The following GABBR2 variants were observed in gnomAD, a reference collection of about 807,000 sequenced individuals.
GABBR2 encodes gamma-aminobutyric acid type B receptor subunit 2.
Under a neutral mutation model 105.6 loss-of-function variants are expected in GABBR2, and 23 were observed. The observed-to-expected ratio is 0.22, with a 90% CI of 0.16 to 0.31. The LOEUF is 0.31. Ranked by LOEUF, GABBR2 falls within the 10% of genes least tolerant of loss-of-function variation. The pLI, the probability that GABBR2 is intolerant of heterozygous loss-of-function variation, is 1.00. For synonymous variants in GABBR2, 478 were observed against 499.7 expected (o/e 0.96, Z 0.58); for missense variants, 734 against 1,245.5 (o/e 0.59, Z 6.18).
chr9:98,599,655 A>G (rs2131803301), intron 1 of GABBR2, among the ~76,000 whole-genome samples: 1 of 152,352 alleles, frequency 6.6e-6, no homozygotes, highest in Middle Eastern at 3.4e-3. Flanking sequence ...CACAGTATGC[A>G]GTGGTGCTGA....
At chr9:98,638,302 T>C (rs1382860722) in intron 1 of GABBR2, among the ~76,000 whole-genome samples, 1 of 152,174 alleles carries the variant, frequency 6.6e-6, no homozygotes, top group Non-Finnish European at 1.5e-5. Flanking sequence ...ACTCAAATCA[T>C]CAGAGTTGTG....
intron 3 of GABBR2, among the ~76,000 whole-genome samples, chr9:98,502,556 C>T (rs556763410): frequency 8.3e-4 from 127 of 152,302 alleles, no homozygotes; most frequent in African/African-American, 2.9e-3. Context: ...ACTGTATCTG[C>T]ATGCCCTGCC....
At chr9:98,591,771 A>G (rs764469697) in intron 1 of GABBR2, among the ~76,000 whole-genome samples, 4 of 152,212 alleles carry the variant, frequency 2.6e-5, no homozygotes, top group Non-Finnish European at 4.4e-5. Flanking sequence ...TGATGAGGAA[A>G]GAGATCGAAG....
intron 1 of GABBR2, among the ~76,000 whole-genome samples, chr9:98,682,362 C>A: frequency 7.5e-6 from 1 of 133,540 alleles, no homozygotes; most frequent in South Asian, 2.4e-4. Context: ...ATGGATTTTA[C>A]CATCTTTTTT....
At chr9:98,379,757 C>A (rs1831939593) in intron 11 of GABBR2, among the ~76,000 whole-genome samples, 1 of 152,168 alleles carries the variant, frequency 6.6e-6, no homozygotes, top group Non-Finnish European at 1.5e-5. Context: ...ATTTAATCCT[C>A]ACAACCCTAT....
intron 9 of GABBR2, 144 bp downstream of exon 9, chr9:98,394,031 C>T (rs1832242358): frequency 1.6e-6 from 1 of 631,662 alleles, no homozygotes; most frequent in Admixed American, 2.6e-5. Context: ...GAGCCCTGTG[C>T]TCAACGATTG....
intron 1 of GABBR2, among the ~76,000 whole-genome samples, chr9:98,664,246 G>A (rs1283408929): frequency 6.6e-6 from 1 of 152,156 alleles, no homozygotes; most frequent in East Asian, 1.9e-4. Flanking sequence ...CTGGGGGTGG[G>A]AAGAGAACGG....
chr9:98,593,959 C>T (rs1290440344), intron 1 of GABBR2, among the ~76,000 whole-genome samples: 1 of 152,206 alleles, frequency 6.6e-6, no homozygotes, highest in Non-Finnish European at 1.5e-5. Flanking sequence ...TGATGAGGGA[C>T]TCTACTCAAG....
intron 16 of GABBR2, among the ~76,000 whole-genome samples, chr9:98,299,692 C>G (rs567890151): frequency 1.2e-4 from 18 of 152,226 alleles, no homozygotes; most frequent in Non-Finnish European, 2.4e-4. Flanking sequence ...CAAGGCTGCC[C>G]CTTACTTGCA....
chr9:98,376,438 TCA>T (rs1274914499), intron 11 of GABBR2, among the ~76,000 whole-genome samples: 1 of 152,134 alleles, frequency 6.6e-6, no homozygotes, highest in Non-Finnish European at 1.5e-5. Context: ...CAGGGGCAAG[TCA>T]CTTTCCTGCT....
intron 7 of GABBR2, among the ~76,000 whole-genome samples, chr9:98,452,597 G>A (rs1339386774): frequency 6.6e-6 from 1 of 152,214 alleles, no homozygotes; most frequent in East Asian, 1.9e-4. Flanking sequence ...AATTTATTGA[G>A]TGCCTGCTAT....
chr9:98,645,230 G>A (rs1233646310), intron 1 of GABBR2, among the ~76,000 whole-genome samples: 3 of 152,190 alleles, frequency 2.0e-5, no homozygotes, highest in Non-Finnish European at 4.4e-5. Context: ...AGCCCAAGGT[G>A]CAATGGGCTG....
rs1056789563 is a variant in GABBR2, at chr9:98,551,615, G to A, written c.460-9572C>T. Among the ~76,000 whole-genome samples, 3 of 152,182 alleles carry A rather than the reference G, an allele frequency of 2.0e-5. No individual in the cohort carries two copies. The East Asian group carries it at 5.8e-4, about 29-fold the overall frequency. ...TTTAACCAGCAGCATGGGGTGGGAA[G>A]AGAGCCATGAGCATCTCTCTCCAGC... On this transcript the variant is annotated intron_variant, in intron 2 of 18. Transcript: ENST00000259455.
Position 98,295,778 on chromosome 9 carries a change from C to T in GABBR2, c.2543-1876G>A, listed in dbSNP as rs537011181. On this transcript the variant is annotated intron_variant, in intron 17 of 18. Coordinates refer to ENST00000259455, the MANE Select transcript of GABBR2 (RefSeq NM_005458.8). ...TGACCTCGTGATCCGCCCACTTTGG[C>T]CTCCCAAAGTGCTGGGATTACAGGC... 2.6e-5 allele frequency among the ~76,000 whole-genome samples: 4 copies of T among 152,294 alleles called. No homozygotes were observed. The South Asian group carries it at 8.3e-4, about 32-fold the overall frequency.
chr9:98,647,076 C>A, intron 1 of GABBR2, among the ~76,000 whole-genome samples: 1 of 152,206 alleles, frequency 6.6e-6, no homozygotes, highest in Admixed American at 6.5e-5. Context: ...AAATAAATAC[C>A]CTTTCTGAAT....
rs190877822 is a variant in GABBR2, at chr9:98,411,558, C to T, written c.1237-5417G>A. ...GTAATGCCTTGAGTTAGTAAAATCCCATTTTTTTTTTGTTTTGTTTTGAGA... is the reference window on the plus strand; with the variant it reads ...GTAATGCCTTGAGTTAGTAAAATCCTATTTTTTTTTTGTTTTGTTTTGAGA... On this transcript the variant is annotated intron_variant, in intron 7 of 18. Transcript: ENST00000259455. Among the ~76,000 whole-genome samples the T allele has an allele frequency of 2.5e-5, 3 of 122,154 alleles. No individual in the cohort carries two copies. The East Asian group carries it at 8.3e-4, about 34-fold the overall frequency. The allele number at this position is 122,154 out of a possible 152,430, so 80.1% of individuals were successfully genotyped here. A position where few individuals can be genotyped will look rare whatever the true frequency, so the allele number is the denominator to read the frequency against.
chr9:98,693,259 G>A (rs1029351402), intron 1 of GABBR2, among the ~76,000 whole-genome samples: 1 of 152,070 alleles, frequency 6.6e-6, no homozygotes, highest in East Asian at 1.9e-4. Flanking sequence ...CATTCTCCAG[G>A]GCCACCCACT....
At chr9:98,682,247 A>C (rs1564150359) in intron 1 of GABBR2, among the ~76,000 whole-genome samples, 2 of 149,878 alleles carry the variant, frequency 1.3e-5, no homozygotes, top group Non-Finnish European at 3.0e-5. Flanking sequence ...AAAACAAAAC[A>C]AAAAAAAACC....
intron 14 of GABBR2, 100 bp downstream of exon 14, chr9:98,310,995 T>C (rs1180867970): frequency 2.9e-6 from 2 of 696,656 alleles, no homozygotes; most frequent in East Asian, 2.5e-5. Flanking sequence ...TGCTTAGTCA[T>C]GGAGGCTCTG....
Sources: allele counts gnomAD v4.1 joint callset (sites outside exome capture counted in the v4.1 genomes callset), GRCh38; gene constraint gnomAD v4.1.1; transcripts MANE v1.5; gene names NCBI Gene and HGNC (gene_info 2026-07-23, HGNC 2026-07-21).